The following TGFA variants were observed in gnomAD, a reference collection of about 807,000 sequenced individuals.
TGFA encodes transforming growth factor alpha.
Under a neutral mutation model 21.7 loss-of-function variants are expected in TGFA, and 12 were observed. The observed-to-expected ratio is 0.55, with a 90% confidence interval of 0.35 to 0.90. TGFA has a LOEUF of 0.90. TGFA is among the 40% of genes least tolerant of loss of function. TGFA has a pLI of 0.01. For missense variants in TGFA, 178 were observed against 210.8 expected (o/e 0.84, Z 0.96); for synonymous variants, 79 against 88.1 (o/e 0.90, Z 0.58).
chr2:70,552,711 G>A (rs1486625421), intron 1 of TGFA, among the ~76,000 whole-genome samples: 2 of 152,362 alleles, frequency 1.3e-5, no homozygotes, highest in East Asian at 1.9e-4. Context: ...GCGGCTCTGG[G>A]CATTTCTGGG....
chr2:70,530,588 C>A (rs1275418060), intron 1 of TGFA, among the ~76,000 whole-genome samples: 1 of 142,084 alleles, frequency 7.0e-6, no homozygotes, highest in Non-Finnish European at 1.5e-5. Context: ...ACAGGCGGCC[C>A]ATGGGCCACA....
intron 1 of TGFA, among the ~76,000 whole-genome samples, chr2:70,550,617 C>G (rs782275091): frequency 3.9e-5 from 6 of 151,984 alleles, no homozygotes; most frequent in Non-Finnish European, 8.8e-5. Context: ...TCAGGAGATG[C>G]AGACCATCCT....
At chr2:70,542,047 A>G (rs1673147367) in intron 1 of TGFA, among the ~76,000 whole-genome samples, 1 of 152,186 alleles carries the variant, frequency 6.6e-6, no homozygotes, top group Non-Finnish European at 1.5e-5. Context: ...CTCGGTGACA[A>G]ATAAGATGGA....
intron 2 of TGFA, among the ~76,000 whole-genome samples, chr2:70,504,088 C>T (rs782810358): frequency 6.6e-6 from 1 of 152,104 alleles, no homozygotes; most frequent in Non-Finnish European, 1.5e-5. Flanking sequence ...AAGTCCATCA[C>T]AGGAAACAAG....
At chr2:70,543,183 T>C (rs1415816179) in intron 1 of TGFA, among the ~76,000 whole-genome samples, 1 of 152,130 alleles carries the variant, frequency 6.6e-6, no homozygotes, top group African/African-American at 2.4e-5. Flanking sequence ...AACTTTAAAA[T>C]ATGTCTTATC....
chr2:70,485,168 G>T (rs1671232478), intron 2 of TGFA, among the ~76,000 whole-genome samples: 1 of 152,068 alleles, frequency 6.6e-6, no homozygotes, highest in South Asian at 2.1e-4. Flanking sequence ...ACTGTGTTCT[G>T]TAGCCTTACC....
Position 70,480,530 on chromosome 2 carries a change from G to A in TGFA, c.95-14794C>T, listed in dbSNP as rs116272297. Among the ~76,000 whole-genome samples, 756 of 152,238 alleles carry A rather than the reference G, an allele frequency of 5.0e-3. 11 individuals carry two copies. Among genetic ancestry groups the A allele is most frequent in the African/African-American group, 0.017 (704 of 41,548 alleles). On this transcript the variant is annotated intron_variant, in intron 2 of 5. Transcript: ENST00000295400. ...AGATTGGACTAAGGGAGGAGTAAAC[G>A]TGGTATGCTGTAGTGTTAATTTCCC...
rs1553492095 is a variant in TGFA, at chr2:70,465,699, A to G, written c.132T>C (p.Phe44=). The change falls in exon 3 of 6, where the codon TTT becomes TTC. Residue 44 remains phenylalanine (F), a synonymous_variant. Transcript: ENST00000295400. ...GAGTGTGGGAATCTGGGCAGTCATTAAAATGGGACACCACTGCTGCAGCCA... is the reference window on the plus strand; with the variant it reads ...GAGTGTGGGAATCTGGGCAGTCATTGAAATGGGACACCACTGCTGCAGCCA... ...PPVAAAVVSH[F]NDCPDSHTQF... 6.2e-7 allele frequency: 1 copy of G among 1,614,186 alleles called. No individual in the cohort carries two copies. The highest frequency in any genetic ancestry group is 2.2e-5 in the East Asian group (1 of 44,876).
intron 2 of TGFA, among the ~76,000 whole-genome samples, chr2:70,483,109 T>A (rs967013552): frequency 3.3e-5 from 5 of 152,220 alleles, no homozygotes; most frequent in African/African-American, 1.2e-4. Flanking sequence ...ATATTTTGAT[T>A]TTGTCATGTG....
chr2:70,454,970 G>C (rs782108750), intron 4 of TGFA, among the ~76,000 whole-genome samples: 1 of 152,188 alleles, frequency 6.6e-6, no homozygotes, highest in Non-Finnish European at 1.5e-5. Context: ...GAAGGATGGG[G>C]CAGCACACAC....
intron 2 of TGFA, among the ~76,000 whole-genome samples, chr2:70,508,223 T>C (rs981541644): frequency 1.1e-4 from 17 of 152,254 alleles, no homozygotes; most frequent in African/African-American, 4.1e-4. Context: ...GGCGGGTGGA[T>C]CATTTGAGGT....
chr2:70,495,986 A>G (rs1374330950), intron 2 of TGFA, among the ~76,000 whole-genome samples: 4 of 152,104 alleles, frequency 2.6e-5, no homozygotes, highest in African/African-American at 9.7e-5. Flanking sequence ...CTTGATATAT[A>G]CTCATATAAT....
chr2:70,453,127 C>A, intron 5 of TGFA, 91 bp downstream of exon 5: 1 of 1,152,126 alleles, frequency 8.7e-7, no homozygotes, highest in Non-Finnish European at 1.3e-6. Context: ...TCTCTTCCTG[C>A]TTCATACTCC....
chr2:70,534,237 A>G (rs1260164297), intron 1 of TGFA, among the ~76,000 whole-genome samples: 3 of 152,262 alleles, frequency 2.0e-5, no homozygotes, highest in Admixed American at 1.3e-4. Flanking sequence ...TCATCGCTAA[A>G]GTTGGTGGGG....
intron 2 of TGFA, among the ~76,000 whole-genome samples, chr2:70,505,403 T>C (rs1671892607): frequency 6.6e-6 from 1 of 152,208 alleles, no homozygotes; most frequent in Non-Finnish European, 1.5e-5. Context: ...GCTGGGCTGT[T>C]TCTTTAACAG....
intron 2 of TGFA, among the ~76,000 whole-genome samples, chr2:70,514,594 C>T (rs984701771): frequency 6.6e-6 from 1 of 152,150 alleles, no homozygotes; most frequent in Non-Finnish European, 1.5e-5. Context: ...TTTTGGCACA[C>T]TTGCCCACAG....
At chr2:70,503,576 T>TA (rs1331779281) in intron 2 of TGFA, among the ~76,000 whole-genome samples, 28 of 106,364 alleles carry the variant, frequency 2.6e-4, no homozygotes, top group East Asian at 2.0e-3. Flanking sequence ...AGTATAATAA[T>TA]AATAATAAAA....
intron 2 of TGFA, 124 bp from the exon 3 acceptor site, chr2:70,465,860 G>A (rs560877159): frequency 6.6e-6 from 9 of 1,373,766 alleles, no homozygotes; most frequent in Non-Finnish European, 7.9e-6. Context: ...TCTCACCTGG[G>A]GCACACCCTC....
At chr2:70,458,803 C>T (rs1481171241) in intron 3 of TGFA, among the ~76,000 whole-genome samples, 3 of 152,226 alleles carry the variant, frequency 2.0e-5, no homozygotes, top group Non-Finnish European at 1.5e-5. Flanking sequence ...ACTATGCCCA[C>T]CTTTCTGACT....
Sources: allele counts gnomAD v4.1 joint callset (sites outside exome capture counted in the v4.1 genomes callset), GRCh38; gene constraint gnomAD v4.1.1; transcripts MANE v1.5; gene names NCBI Gene and HGNC (gene_info 2026-07-23, HGNC 2026-07-21).